DNASE1: variants seen among roughly 807,000 people sequenced by gnomAD.
DNASE1 encodes deoxyribonuclease 1, also known as deoxyribonuclease-1.
A neutral mutation model predicts 33.9 loss-of-function variants in DNASE1; 40 were observed. The observed-to-expected ratio is 1.18, with a 90% CI of 0.92 to 1.54. The LOEUF is 1.54. Ranked by LOEUF, DNASE1 falls within the 40% of genes most tolerant of loss-of-function variation. The probability of loss-of-function intolerance (pLI) is 0.00; values close to 1 mark genes in which losing one functional copy is unlikely to be tolerated. For missense variants in DNASE1, 518 were observed against 372.6 expected, an observed-to-expected ratio of 1.39 and a Z score of -3.21; for synonymous variants, 216 against 160.0, an observed-to-expected ratio of 1.35 and a Z score of -2.64.
intron 1 of DNASE1, among the ~76,000 whole-genome samples, chr16:3,648,291 G>A (rs985031928): frequency 1.3e-5 from 2 of 150,612 alleles, no homozygotes; most frequent in African/African-American, 2.4e-5. Flanking sequence ...GGCCGGATGC[G>A]GTGGCTCACG....
chr16:3,657,770 C>CT lies in DNASE1; in HGVS notation c.756dup (p.Leu253SerfsTer4), dbSNP rs1567213879. On this transcript the variant is annotated frameshift_variant, in exon 8 of 9. Coordinates refer to ENST00000246949, the MANE Select transcript of DNASE1 (RefSeq NM_005223.4). LOFTEE classifies it low-confidence loss of function (END_TRUNC). ...CGAGGCGCCGTTGTTCCCGACTCGG[C>CT]TCTTCCCTTTAACTTCCAGGCTGCC... 3 of 1,614,122 alleles carry CT rather than the reference C, an allele frequency of 1.9e-6. No homozygotes were observed. The highest frequency in any genetic ancestry group is 2.5e-6 in the Non-Finnish European group (3 of 1,180,038).
At chr16:3,656,031 G>A in intron 3 of DNASE1, 71 bp from the exon 4 acceptor site, 1 of 1,611,610 alleles carries the variant, frequency 6.2e-7, no homozygotes, top group Non-Finnish European at 8.5e-7. Flanking sequence ...CCTGGGCACA[G>A]CCTCGCTATC....
chr16:3,658,258 TGA>T (rs775099389), downstream of DNASE1: 3 of 1,567,750 alleles, frequency 1.9e-6, no homozygotes, highest in Admixed American at 5.2e-5. Context: ...AAACCCATTA[TGA>T]GGGGCATGGG....
chr16:3,620,665 T>A (rs1253451155), intron 1 of DNASE1, among the ~76,000 whole-genome samples: 1 of 152,184 alleles, frequency 6.6e-6, no homozygotes, highest in Non-Finnish European at 1.5e-5. Context: ...TCATTATAGA[T>A]TATGCAATAA....
chr16:3,643,745 TTTTTA>T (rs2042090000), intron 1 of DNASE1, among the ~76,000 whole-genome samples: 1 of 152,182 alleles, frequency 6.6e-6, no homozygotes, highest in Non-Finnish European at 1.5e-5. Flanking sequence ...CTGTTTTATT[TTTTTA>T]TTTTATTATT....
chr16:3,655,813 C>T (rs2042566528), intron 2 of DNASE1, 36 bp from the exon 3 acceptor site: 2 of 1,610,204 alleles, frequency 1.2e-6, no homozygotes, highest in Non-Finnish European at 8.5e-7. Flanking sequence ...TGGGTGGCAC[C>T]AGCCCTGCTC....
At position 3,658,038 on chromosome 16, in the gene DNASE1, C is replaced by G. The variant is rs149669139; in HGVS notation, c.*85C>G. 6.2e-6 allele frequency: 10 copies of G among 1,607,684 alleles called. No individual in the cohort carries two copies. The highest frequency in any genetic ancestry group is 8.5e-6 in the Non-Finnish European group (10 of 1,176,168). On this transcript the variant is annotated 3_prime_UTR_variant, in exon 9 of 9. Transcript: ENST00000246949. ...CCAGAAAAAAAGCCCAACACACACTCGGGTTAAGAAATACCTTTAAATTTA... is the reference window on the plus strand; with the variant it reads ...CCAGAAAAAAAGCCCAACACACACTGGGGTTAAGAAATACCTTTAAATTTA...
At chr16:3,640,672 G>T (rs867419830), upstream of DNASE1, 7 of 398,410 alleles carry the variant, frequency 1.8e-5, no homozygotes, top group Non-Finnish European at 2.2e-5. Flanking sequence ...GGTGCTGGGT[G>T]AGCTGATGGG....
chr16:3,657,319 C>G lies in DNASE1; in HGVS notation c.682C>G (p.Pro228Ala), dbSNP rs1462557927. The G allele has an allele frequency of 6.2e-7, 1 of 1,613,630 alleles. No homozygotes were observed. Among genetic ancestry groups the G allele is most frequent in the Admixed American group, 1.7e-5 (1 of 60,016 alleles). ...IPDSADTTAT[P>A]THCAYDRIVV... ...CGACAGCGCTGACACCACAGCTACACCCACGCACTGTGCCTATGACAGGTG... is the reference window on the plus strand; with the variant it reads ...CGACAGCGCTGACACCACAGCTACAGCCACGCACTGTGCCTATGACAGGTG... Residue 228 changes from proline (P) to alanine (A), a missense_variant, in exon 7 of 9, where the codon CCC becomes GCC. Transcript: ENST00000246949.
At chr16:3,617,973 A>C (rs1474798979) in intron 1 of DNASE1, among the ~76,000 whole-genome samples, 1 of 152,080 alleles carries the variant, frequency 6.6e-6, no homozygotes, top group East Asian at 1.9e-4. Context: ...AGAGCAGCCC[A>C]AATGGACTAA....
chr16:3,620,886 C>G (rs536603128), intron 1 of DNASE1, among the ~76,000 whole-genome samples: 74 of 152,076 alleles, frequency 4.9e-4, no homozygotes, highest in African/African-American at 1.7e-3. Context: ...CTGCAACCTC[C>G]GCTCCCCAGG....
Position 3,657,787 on chromosome 16 carries a change from C to T in DNASE1, c.772C>T (p.Gln258Ter), listed in dbSNP as rs749480593. 6.2e-7 allele frequency: 1 copy of T among 1,614,060 alleles called. No individual in the cohort carries two copies. Among genetic ancestry groups the T allele is most frequent in the Non-Finnish European group, 8.5e-7 (1 of 1,179,998 alleles). The change falls in exon 8 of 9, where the codon CAG becomes TAG. Residue 258 changes from glutamine to a stop codon, truncating the protein, a stop_gained. Coordinates refer to ENST00000246949, the MANE Select transcript of DNASE1 (RefSeq NM_005223.4). LOFTEE classifies it low-confidence loss of function (END_TRUNC). ...VPDSALPFNF[Q>*]AAYGLSDQLA... Reference sequence around the variant, plus strand: ...CGACTCGGCTCTTCCCTTTAACTTCCAGGCTGCCTATGGCCTGAGTGACCA... The same window carrying T: ...CGACTCGGCTCTTCCCTTTAACTTCTAGGCTGCCTATGGCCTGAGTGACCA...
intron 1 of DNASE1, among the ~76,000 whole-genome samples, chr16:3,637,244 A>C (rs1250425385): frequency 1.3e-5 from 2 of 152,224 alleles, no homozygotes; most frequent in African/African-American, 4.8e-5. Context: ...AGGTGTCAGA[A>C]CTAAAATTTC....
At chr16:3,629,324 C>G (rs758706948) in intron 1 of DNASE1, among the ~76,000 whole-genome samples, 1 of 152,000 alleles carries the variant, frequency 6.6e-6, no homozygotes, top group East Asian at 1.9e-4. Flanking sequence ...TGTCACATGC[C>G]TTTGCTGCAG....
At chr16:3,655,824 A>G (rs1367162062) in intron 2 of DNASE1, 25 bp from the exon 3 acceptor site, 12 of 1,612,640 alleles carry the variant, frequency 7.4e-6, no homozygotes, top group Non-Finnish European at 1.0e-5. Context: ...AGCCCTGCTC[A>G]GCACCACTGT....
chr16:3,623,761 ATACT>A (rs1227894906), intron 1 of DNASE1, among the ~76,000 whole-genome samples: 2 of 152,086 alleles, frequency 1.3e-5, no homozygotes, highest in Non-Finnish European at 2.9e-5. Flanking sequence ...ACAAGAACAC[ATACT>A]TCTCAAGTGA....
intron 1 of DNASE1, among the ~76,000 whole-genome samples, chr16:3,613,829 C>G (rs2040996070): frequency 6.6e-6 from 1 of 151,968 alleles, no homozygotes; most frequent in African/African-American, 2.4e-5. Context: ...GCAACCTCCA[C>G]TTCCCTGGTT....
At chr16:3,645,017 C>G (rs912298496) in intron 1 of DNASE1, among the ~76,000 whole-genome samples, 1 of 151,618 alleles carries the variant, frequency 6.6e-6, no homozygotes, top group African/African-American at 2.4e-5. Context: ...GTGGTCGGTC[C>G]CAGCTTCTTG....
chr16:3,618,753 A>C (rs1462594179), intron 1 of DNASE1, among the ~76,000 whole-genome samples: 2 of 152,190 alleles, frequency 1.3e-5, no homozygotes, highest in African/African-American at 4.8e-5. Flanking sequence ...TCAAACAAAA[A>C]CGTGTACACC....
Sources: allele counts gnomAD v4.1 joint callset (sites outside exome capture counted in the v4.1 genomes callset), GRCh38; gene constraint gnomAD v4.1.1; transcripts MANE v1.5; gene names NCBI Gene and HGNC (gene_info 2026-07-23, HGNC 2026-07-21).